KCP: variants seen among roughly 807,000 people sequenced by gnomAD.
KCP encodes kielin/chordin-like protein.
A neutral mutation model predicts 212.7 loss-of-function variants in KCP; 194 were observed. The observed-to-expected ratio is 0.91, with a 90% CI of 0.81 to 1.03. The LOEUF (loss-of-function observed/expected upper bound fraction) is 1.03, where lower values mean the gene tolerates loss of function less well. KCP is among the 50% of genes least tolerant of loss of function. The pLI is 0.00. For synonymous variants in KCP, 833 were observed against 865.3 expected, an observed-to-expected ratio of 0.96 and a Z score of 0.65; for missense variants, 2,080 against 2,162.5, an observed-to-expected ratio of 0.96 and a Z score of 0.76.
intron 22 of KCP, among the ~76,000 whole-genome samples, chr7:128,888,327 A>AC (rs1793845381): frequency 5.6e-5 from 6 of 106,682 alleles, no homozygotes; most frequent in African/African-American, 1.7e-4. Flanking sequence ...CACACAGAGC[A>AC]ACACACACAC....
At chr7:128,882,147 G>A in intron 29 of KCP, 131 bp from the exon 30 acceptor site, 1 of 632,756 alleles carries the variant, frequency 1.6e-6, no homozygotes, top group Non-Finnish European at 2.8e-6. Context: ...CCAGCACCTT[G>A]ACTCCAGGGA....
intron 24 of KCP, 21 bp downstream of exon 24, chr7:128,886,855 C>A: frequency 1.4e-6 from 2 of 1,471,290 alleles, no homozygotes; most frequent in African/African-American, 1.4e-5. Flanking sequence ...ATGGGGGCCG[C>A]GCATGAGGAA....
chr7:128,881,769 G>A (rs1585197176), intron 30 of KCP, 44 bp from the exon 31 acceptor site: 1 of 1,479,438 alleles, frequency 6.8e-7, no homozygotes, highest in Middle Eastern at 1.7e-4. Context: ...AGATCTCAGG[G>A]AGCTGGTGGA....
chr7:128,905,003 G>T (rs530492506), intron 5 of KCP, among the ~76,000 whole-genome samples: 1 of 152,082 alleles, frequency 6.6e-6, no homozygotes, highest in African/African-American at 2.4e-5. Context: ...GTGTGTGTTG[G>T]GGGAGCGGGG....
chr7:128,904,406 C>T, intron 5 of KCP: 4 of 1,492,778 alleles, frequency 2.7e-6, no homozygotes, highest in Non-Finnish European at 3.7e-6. Flanking sequence ...TGAGCCAGCC[C>T]TCCCTTCCCC....
At position 128,884,141 on chromosome 7, in the gene KCP, A is replaced by G. The variant is rs1585201826; in HGVS notation, c.3124-19T>C. The G allele has an allele frequency of 6.5e-7, 1 of 1,538,180 alleles. No individual in the cohort carries two copies. Among genetic ancestry groups the G allele is most frequent in the Non-Finnish European group, 8.7e-7 (1 of 1,143,522 alleles). On this transcript the variant is annotated intron_variant, in intron 28 of 39. Coordinates refer to ENST00000610776, the MANE Select transcript of KCP (RefSeq NM_001366122.1). Reference sequence around the variant, plus strand: ...GCTGTGGCTACAAGAATGAGTGAGCAGCGGTGGGTCCTGGGCCACAAAAAC... The same window carrying G: ...GCTGTGGCTACAAGAATGAGTGAGCGGCGGTGGGTCCTGGGCCACAAAAAC...
rs760393906 is a variant in KCP at position 128,891,261 on chromosome 7, G to GCACT, written c.1892_1895dup (p.Cys632Ter). ...GCAGCGGCACGCAGCGGCGGGCCAG[G>GCACT]CACTGCACGTTGCCGCTCTACGGAC... On this transcript the variant is annotated stop_gained and frameshift_variant, in exon 19 of 40. Transcript: ENST00000610776. LOFTEE classifies it high-confidence loss of function. The GCACT allele has an allele frequency of 8.4e-6, 13 of 1,547,000 alleles. No homozygotes were observed. The highest frequency in any genetic ancestry group is 1.1e-5 in the Non-Finnish European group (13 of 1,146,706).
chr7:128,905,754 G>A (rs1795091987), intron 5 of KCP, among the ~76,000 whole-genome samples: 1 of 151,994 alleles, frequency 6.6e-6, no homozygotes, highest in Admixed American at 6.5e-5. Context: ...TTCCCACATG[G>A]ACTTCCTGCA....
Position 128,908,540 on chromosome 7 carries a change from C to T in KCP, c.105G>A (p.Gly35=). The T allele has an allele frequency of 1.3e-6, 2 of 1,551,422 alleles. No homozygotes were observed. Among genetic ancestry groups the T allele is most frequent in the Non-Finnish European group, 1.7e-6 (2 of 1,146,818 alleles). Residue 35 remains glycine (G), a synonymous_variant, in exon 2 of 40, where the codon GGG becomes GGA. Transcript: ENST00000610776. The part of the protein sequence containing the change: ...EGGAVPREPP[G]QQTTAHSSVL... ...CTGAGGAATGGGCAGTTGTCTGCTG[C>T]CCAGGGGGCTCCCTGGGGACAGCCC...
intron 22 of KCP, among the ~76,000 whole-genome samples, chr7:128,888,363 C>G (rs1793853576): frequency 6.7e-6 from 1 of 149,232 alleles, no homozygotes; most frequent in Admixed American, 6.7e-5. Context: ...CAGATACACC[C>G]AAACACACAG....
intron 20 of KCP, 24 bp from the exon 21 acceptor site, chr7:128,890,537 G>A: frequency 6.5e-7 from 1 of 1,535,932 alleles, no homozygotes; most frequent in Non-Finnish European, 8.8e-7. Flanking sequence ...CAGGGGCTGG[G>A]GGGCCGTGGG....
In KCP at chr7:128,888,990, G is replaced by T. The variant is rs965523631; in HGVS notation, c.2385C>A (p.Asp795Glu). ...ESYLSNQEFP[D>E]PREPCNLCTC... Reference sequence around the variant, plus strand: ...TACACAGGTTGCAGGGTTCTCGGGGGTCTGGGAACTCCTGGTTACTCAGGT... The same window carrying T: ...TACACAGGTTGCAGGGTTCTCGGGGTTCTGGGAACTCCTGGTTACTCAGGT... The change falls in exon 22 of 40, where the codon GAC becomes GAA. Residue 795 changes from aspartate to glutamate, a missense_variant. Asp to Glu is a conservative substitution (Grantham distance 45). Transcript: ENST00000610776. 6.5e-7 allele frequency: 1 copy of T among 1,539,462 alleles called. No individual in the cohort carries two copies. Among genetic ancestry groups the T allele is most frequent in the Non-Finnish European group, 8.8e-7 (1 of 1,139,992 alleles).
intron 8 of KCP, among the ~76,000 whole-genome samples, chr7:128,895,958 C>T (rs1161713221): frequency 5.3e-5 from 8 of 152,180 alleles, no homozygotes; most frequent in Admixed American, 5.2e-4. Flanking sequence ...TCCTAATAAA[C>T]TTGCTTTCAC....
At chr7:128,890,260 C>A in intron 21 of KCP, 83 bp downstream of exon 21, 1 of 1,550,922 alleles carries the variant, frequency 6.4e-7, no homozygotes, top group South Asian at 1.2e-5. Flanking sequence ...TTAGATCCAC[C>A]CTAGGGCAGT....
At chr7:128,887,335 A>C (rs149731890) in intron 22 of KCP, 35 bp from the exon 23 acceptor site, 31,373 of 1,498,324 alleles carry the variant, frequency 0.021, 433 homozygotes, top group Non-Finnish European at 0.025. Flanking sequence ...AAGAGCTGCC[A>C]TCAACAGAAC....
chr7:128,879,417 G>T, intron 37 of KCP, 105 bp downstream of exon 37: 3 of 935,910 alleles, frequency 3.2e-6, no homozygotes, highest in Non-Finnish European at 4.8e-6. Flanking sequence ...TGCCTTTTTT[G>T]GCTAGGAGGT....
rs1416472603 is a variant in KCP at position 128,910,604 on chromosome 7, C to G, written c.73G>C (p.Glu25Gln). Residue 25 changes from glutamate to glutamine, a missense_variant, in exon 1 of 40, where the codon GAA (glutamate) becomes CAA (glutamine). Glu to Gln is a conservative substitution (Grantham distance 29). Coordinates refer to ENST00000610776, the MANE Select transcript of KCP (RefSeq NM_001366122.1). ...LGALALAAGA[E>Q]GGAVPREPPG... is the part of the protein sequence containing the mutation. ...AGCCTCCCGCACCTGGACTCACCTT[C>G]CGCGCCCGCGGCCAGCGCCAGGGCC... 5 of 1,515,334 alleles carry G rather than the reference C, an allele frequency of 3.3e-6. No homozygotes were observed. The African/African-American group carries it at 5.7e-5, about 17-fold the overall frequency. 93.9% of individuals were successfully genotyped at this position (1,515,334 alleles called of 1,614,324 possible).
rs540723597 is a variant in KCP at position 128,907,992 on chromosome 7, G to A, written c.219+434C>T. Reference sequence around the variant, plus strand: ...AAAAATACAAAAATTAGCCGGGTATGGTGGTGCACACTTGTAGTCCCAACT... The same window carrying A: ...AAAAATACAAAAATTAGCCGGGTATAGTGGTGCACACTTGTAGTCCCAACT... On this transcript the variant is annotated intron_variant, in intron 2 of 39. Coordinates refer to ENST00000610776, the MANE Select transcript of KCP (RefSeq NM_001366122.1). Among the ~76,000 whole-genome samples the A allele has an allele frequency of 9.9e-5, 15 of 151,916 alleles. No homozygotes were observed. In the South Asian group the frequency reaches 3.1e-3, roughly 32 times the overall value.
Position 128,904,059 on chromosome 7 carries a change from G to C in KCP, c.651C>G (p.Cys217Trp), listed in dbSNP as rs1447452567. The C allele has an allele frequency of 1.9e-6, 3 of 1,551,502 alleles. No individual in the cohort carries two copies. The highest frequency in any genetic ancestry group is 2.6e-6 in the Non-Finnish European group (3 of 1,146,798). ...CAGAGGGGACAGGTGGACTCACCAG[G>C]CAGGTGCACTGTAGACAAGGGTTGG... ...SSSNPCLQCT[C>W]LRSRVRCMAL... The change falls in exon 6 of 40, where the codon TGC (cysteine) becomes TGG (tryptophan). Residue 217 changes from cysteine to tryptophan, a missense_variant. Transcript: ENST00000610776.
Sources: gnomAD v4.1 joint callset for allele counts (sites outside exome capture counted in the v4.1 genomes callset) on GRCh38, gnomAD v4.1.1 for gene constraint, MANE v1.5 for transcripts, NCBI Gene and HGNC (gene_info 2026-07-23, HGNC 2026-07-21) for gene names.